PLXNA4: variants seen among roughly 807,000 people sequenced by gnomAD.
The protein encoded by PLXNA4 is plexin-A4.
In PLXNA4, 44 loss-of-function variants were observed where a neutral mutation model predicts 191.8. That is an observed-to-expected ratio of 0.23 (90% CI 0.18 to 0.29). PLXNA4 has a LOEUF of 0.29. Ranked by LOEUF, PLXNA4 falls within the 10% of genes least tolerant of loss-of-function variation. The probability of loss-of-function intolerance (pLI) is 1.00; values close to 1 mark genes in which losing one functional copy is unlikely to be tolerated. For missense variants in PLXNA4, 1,800 were observed against 2,488.8 expected (o/e 0.72, Z 5.89); for synonymous variants, 1,082 against 1,009.5 (o/e 1.07, Z -1.36).
chr7:132,359,832 A>T (rs981874814), intron 3 of PLXNA4, among the ~76,000 whole-genome samples: 3 of 152,146 alleles, frequency 2.0e-5, no homozygotes, highest in African/African-American at 7.2e-5. Context: ...GAGAGACTGG[A>T]TGTAGTTCTA....
At chr7:132,459,128 T>TGG in intron 3 of PLXNA4, among the ~76,000 whole-genome samples, 1 of 152,300 alleles carries the variant, frequency 6.6e-6, no homozygotes, top group East Asian at 1.9e-4. Context: ...CCCGCGCTCT[T>TGG]CCTCCTGCCA....
intron 14 of PLXNA4, among the ~76,000 whole-genome samples, chr7:132,191,570 G>C (rs1482012130): frequency 6.6e-6 from 1 of 152,120 alleles, no homozygotes; most frequent in African/African-American, 2.4e-5. Flanking sequence ...CTCTAGCCCT[G>C]TCCACTTTAT....
At chr7:132,369,787 G>A (rs889682527) in intron 3 of PLXNA4, among the ~76,000 whole-genome samples, 1 of 151,868 alleles carries the variant, frequency 6.6e-6, no homozygotes. Context: ...GATGATATGC[G>A]GCCGGGCGCG....
chr7:132,284,267 C>A (rs1396883508), intron 4 of PLXNA4, among the ~76,000 whole-genome samples: 1 of 152,122 alleles, frequency 6.6e-6, no homozygotes, highest in South Asian at 2.1e-4. Flanking sequence ...AAAAAAAAGT[C>A]CTGCAGAATT....
chr7:132,189,695 G>A (rs919237153), intron 14 of PLXNA4, among the ~76,000 whole-genome samples: 1 of 152,130 alleles, frequency 6.6e-6, no homozygotes, highest in Non-Finnish European at 1.5e-5. Flanking sequence ...AAGCTGCCTG[G>A]TAGATGAGAA....
intron 2 of PLXNA4, among the ~76,000 whole-genome samples, chr7:132,637,878 T>C (rs753629766): frequency 2.6e-5 from 4 of 152,340 alleles, no homozygotes; most frequent in South Asian, 2.1e-4. Context: ...AGGAAGCTTG[T>C]ACGTTGGCTC....
At chr7:132,279,551 C>T (rs761010702) in intron 4 of PLXNA4, among the ~76,000 whole-genome samples, 1 of 152,164 alleles carries the variant, frequency 6.6e-6, no homozygotes, top group Non-Finnish European at 1.5e-5. Flanking sequence ...GGGAGGGTTG[C>T]TTGAGCCCGG....
intron 2 of PLXNA4, among the ~76,000 whole-genome samples, chr7:132,501,591 A>G (rs2117610603): frequency 6.6e-6 from 1 of 152,330 alleles, no homozygotes; most frequent in East Asian, 1.9e-4. Context: ...CCCAGGGCTC[A>G]GCTACCTGTC....
chr7:132,489,891 CG>C (rs967599207), intron 2 of PLXNA4, among the ~76,000 whole-genome samples: 7 of 152,140 alleles, frequency 4.6e-5, no homozygotes, highest in Non-Finnish European at 7.3e-5. Context: ...ATGTGGTCTC[CG>C]TATCTATACA....
intron 16 of PLXNA4, among the ~76,000 whole-genome samples, chr7:132,184,966 A>G (rs1462771747): frequency 3.3e-5 from 5 of 152,092 alleles, no homozygotes; most frequent in Admixed American, 6.5e-5. Context: ...ATTAGCACCT[A>G]TGTCTACCAG....
At chr7:132,540,451 G>A (rs4731877) in intron 1 of PLXNA4, among the ~76,000 whole-genome samples, 71,719 of 151,748 alleles carry the variant, frequency 0.47, 18,425 homozygotes, top group Non-Finnish European at 0.58. Flanking sequence ...CTCCAGCTCC[G>A]TGGGCCCAGG....
Position 132,132,496 on chromosome 7 carries a change from TTTTCTATTCTATTCTATTCTA to T in PLXNA4, c.5589+532_5589+552del, listed in dbSNP as rs1316430464. 7.6e-3 allele frequency among the ~76,000 whole-genome samples: 242 copies of T among 31,744 alleles called. 7 individuals are homozygous for T. The highest frequency in any genetic ancestry group is 0.014 in the Admixed American group (43 of 2,976). 20.8% of individuals were successfully genotyped at this position (31,744 alleles called of 152,430 possible). A position where few individuals can be genotyped will look rare whatever the true frequency, so the allele number is the denominator to read the frequency against. ...TGCTCTGCTCTGCTCTGCTCTATTC[TTTTCTATTCTATTCTATTCTA>T]TTCTATTCTATTCTATTCTATTCTA... On this transcript the variant is annotated intron_variant, in intron 31 of 31. Transcript: ENST00000321063.
At chr7:132,536,477 T>C (rs1799837498) in intron 1 of PLXNA4, among the ~76,000 whole-genome samples, 1 of 152,178 alleles carries the variant, frequency 6.6e-6, no homozygotes, top group Non-Finnish European at 1.5e-5. Flanking sequence ...ACCTCAGTGG[T>C]GCAGAAGGAA....
intron 2 of PLXNA4, among the ~76,000 whole-genome samples, chr7:132,584,483 C>T (rs1472768698): frequency 1.3e-5 from 2 of 152,156 alleles, no homozygotes; most frequent in Admixed American, 6.5e-5. Flanking sequence ...ATTCTATTTT[C>T]ATTTCCTCAA....
rs1179380108 is a variant in PLXNA4 at position 132,125,395 on chromosome 7, T to G, written c.*5084A>C. 2.0e-5 allele frequency: 3 copies of G among 151,864 alleles called. No individual in the cohort carries two copies. The highest frequency in any genetic ancestry group is 7.3e-5 in the African/African-American group (3 of 41,360). The allele number at this position is 151,864 out of a possible 1,614,324, so 9.4% of individuals were successfully genotyped here. On this transcript the variant is annotated 3_prime_UTR_variant, in exon 32 of 32. Transcript: ENST00000321063. ...CCTAGCATTGTCCTCATCCAGGGAA[T>G]GTCCTGACCCATTTTTTTTTTTCAA...
At chr7:132,133,275 G>A (rs1245523271) in intron 30 of PLXNA4, 76 bp from the exon 31 acceptor site, 21 of 1,560,710 alleles carry the variant, frequency 1.3e-5, no homozygotes, top group East Asian at 6.8e-5. Context: ...TCCCAGCACC[G>A]TGTCTGGGGC....
intron 3 of PLXNA4, 129 bp from the exon 4 acceptor site, chr7:132,298,351 TAAA>T: frequency 7.8e-7 from 1 of 1,274,952 alleles, no homozygotes; most frequent in Non-Finnish European, 1.1e-6. Context: ...GCTCACAGGC[TAAA>T]GCCAAGGAGT....
rs114027756 is a variant in PLXNA4, at chr7:132,334,655, T to C, written c.1372-36433A>G. Among the ~76,000 whole-genome samples the C allele has an allele frequency of 2.8e-3, 426 of 152,284 alleles. 2 individuals are homozygous for C. Among genetic ancestry groups the C allele is most frequent in the African/African-American group, 0.01 (420 of 41,548 alleles). On this transcript the variant is annotated intron_variant, in intron 3 of 31. Transcript: ENST00000321063. ...CAATTCAGGGCCTGCAAATGATATC[T>C]GGGCCAGAATCAGGACGGAACTTCA...
At chr7:132,415,624 T>A (rs2117115219) in intron 3 of PLXNA4, among the ~76,000 whole-genome samples, 1 of 152,306 alleles carries the variant, frequency 6.6e-6, no homozygotes, top group East Asian at 1.9e-4. Context: ...GAAATACACT[T>A]CCCTTTCTCC....
Sources: gnomAD v4.1 joint callset for allele counts (sites outside exome capture counted in the v4.1 genomes callset) on GRCh38, gnomAD v4.1.1 for gene constraint, MANE v1.5 for transcripts, NCBI Gene and HGNC (gene_info 2026-07-23, HGNC 2026-07-21) for gene names.